EPHA6: variants seen among roughly 807,000 people sequenced by gnomAD.
The protein encoded by EPHA6 is ephrin type-A receptor 6.
In EPHA6, 50 loss-of-function variants were observed where a neutral mutation model predicts 112.0. The ratio of observed to expected loss-of-function variants is 0.45; its 90% CI spans 0.36 to 0.56. The LOEUF (loss-of-function observed/expected upper bound fraction) is 0.56. Among genes scored for constraint, EPHA6 ranks in the 20% least tolerant of loss-of-function variants. The pLI is 0.00. For missense variants in EPHA6, 1,280 were observed against 1,417.4 expected, an observed-to-expected ratio of 0.90 and a Z score of 1.56; for synonymous variants, 529 against 490.7, an observed-to-expected ratio of 1.08 and a Z score of -1.03.
intron 13 of EPHA6, among the ~76,000 whole-genome samples, chr3:97,629,929 A>G (rs1440243183): frequency 2.0e-5 from 3 of 152,068 alleles, no homozygotes; most frequent in African/African-American, 7.2e-5. Flanking sequence ...CTTTGTATAA[A>G]TATAGTACAC....
chr3:97,613,063 T>C (rs1463540381), intron 13 of EPHA6, among the ~76,000 whole-genome samples: 1 of 151,672 alleles, frequency 6.6e-6, no homozygotes, highest in East Asian at 1.9e-4. Context: ...ATTATTATAA[T>C]GCAAAAAAAA....
intron 8 of EPHA6, among the ~76,000 whole-genome samples, chr3:97,475,731 C>G (rs2091350156): frequency 6.6e-6 from 1 of 151,866 alleles, no homozygotes; most frequent in South Asian, 2.1e-4. Flanking sequence ...TTACTATAAT[C>G]AAATTACATC....
intron 11 of EPHA6, among the ~76,000 whole-genome samples, chr3:97,547,853 G>A (rs2092976003): frequency 6.6e-6 from 1 of 152,180 alleles, no homozygotes; most frequent in Non-Finnish European, 1.5e-5. Context: ...TGTGGGCGTA[G>A]GACCCTCCAA....
At chr3:97,397,407 AAAG>A (rs1185513204) in intron 5 of EPHA6, among the ~76,000 whole-genome samples, 1 of 151,678 alleles carries the variant, frequency 6.6e-6, no homozygotes, top group Middle Eastern at 3.2e-3. Context: ...GATTATTAAG[AAAG>A]AAATCATTAA....
At chr3:96,921,202 A>G (rs1371013787) in intron 2 of EPHA6, among the ~76,000 whole-genome samples, 3 of 152,156 alleles carry the variant, frequency 2.0e-5, no homozygotes, top group Admixed American at 2.0e-4. Context: ...TAGGCAGTAT[A>G]GTGTAACTTT....
At chr3:96,934,814 G>A (rs775904855) in intron 2 of EPHA6, among the ~76,000 whole-genome samples, 15 of 150,422 alleles carry the variant, frequency 1.0e-4, no homozygotes, top group South Asian at 6.3e-4. Context: ...TTTCCTGAAG[G>A]ACAATCAATC....
At chr3:97,051,509 T>C (rs1402967765) in intron 3 of EPHA6, among the ~76,000 whole-genome samples, 1 of 152,164 alleles carries the variant, frequency 6.6e-6, no homozygotes, top group Non-Finnish European at 1.5e-5. Context: ...CTCATAGTCA[T>C]GTCACCTACA....
chr3:97,310,187 T>C (rs533799765), intron 5 of EPHA6, among the ~76,000 whole-genome samples: 1 of 151,488 alleles, frequency 6.6e-6, no homozygotes, highest in Non-Finnish European at 1.5e-5. Context: ...TGGTTAGAAG[T>C]GTTTGTATTG....
At chr3:97,431,556 G>C (rs75573372) in intron 6 of EPHA6, among the ~76,000 whole-genome samples, 2 of 151,980 alleles carry the variant, frequency 1.3e-5, no homozygotes, top group Non-Finnish European at 2.9e-5. Flanking sequence ...CCCTTGATTC[G>C]TGTGATTTTT....
At chr3:97,096,912 T>C (rs768982499) in intron 3 of EPHA6, among the ~76,000 whole-genome samples, 3 of 151,924 alleles carry the variant, frequency 2.0e-5, no homozygotes, top group Non-Finnish European at 1.5e-5. Flanking sequence ...AAATTATAAG[T>C]AACTCAGTGT....
At chr3:96,979,106 C>T (rs944752322) in intron 2 of EPHA6, among the ~76,000 whole-genome samples, 9 of 151,870 alleles carry the variant, frequency 5.9e-5, no homozygotes, top group African/African-American at 1.5e-4. Context: ...ATGTGCACAA[C>T]GTGCAGGTTT....
At chr3:97,424,554 A>G (rs972923797) in intron 6 of EPHA6, among the ~76,000 whole-genome samples, 3 of 152,164 alleles carry the variant, frequency 2.0e-5, no homozygotes, top group Non-Finnish European at 4.4e-5. Flanking sequence ...CTGTAATCCC[A>G]GCATTTTGGA....
At chr3:96,836,533 T>A (rs1296835378) in intron 1 of EPHA6, among the ~76,000 whole-genome samples, 1 of 152,182 alleles carries the variant, frequency 6.6e-6, no homozygotes, top group Non-Finnish European at 1.5e-5. Context: ...ACATACTGTT[T>A]TACAGCAATG....
At chr3:97,301,294 G>A (rs1401161730) in intron 5 of EPHA6, among the ~76,000 whole-genome samples, 1 of 152,046 alleles carries the variant, frequency 6.6e-6, no homozygotes, top group Non-Finnish European at 1.5e-5. Flanking sequence ...TTGTCTTCTA[G>A]AATTTACTGA....
chr3:97,483,701 C>G lies in EPHA6; in HGVS notation c.2075-233C>G, dbSNP rs545135098. On this transcript the variant is annotated intron_variant, in intron 9 of 17. Coordinates refer to ENST00000389672, the MANE Select transcript of EPHA6 (RefSeq NM_001080448.3). ...AATATGAGACATGTGTTTTCTGGAACCTGTCAGCTCACTTTCTAGAAATCC... is the reference window on the plus strand; with the variant it reads ...AATATGAGACATGTGTTTTCTGGAAGCTGTCAGCTCACTTTCTAGAAATCC... 1.8e-4 allele frequency among the ~76,000 whole-genome samples: 27 copies of G among 152,220 alleles called. No homozygotes were observed. The South Asian group carries it at 5.2e-3, about 29-fold the overall frequency.
intron 12 of EPHA6, among the ~76,000 whole-genome samples, chr3:97,607,279 C>A (rs1341616664): frequency 2.0e-5 from 3 of 149,352 alleles, no homozygotes; most frequent in African/African-American, 7.4e-5. Context: ...TTTTCTTTAA[C>A]AACAGCATGA....
chr3:97,275,736 CG>C (rs1425244517), intron 5 of EPHA6, among the ~76,000 whole-genome samples: 1 of 151,556 alleles, frequency 6.6e-6, no homozygotes, highest in African/African-American at 2.4e-5. Flanking sequence ...TGGCATTGAA[CG>C]GGGTAAGGGT....
intron 3 of EPHA6, among the ~76,000 whole-genome samples, chr3:97,172,290 A>G (rs992301441): frequency 6.6e-6 from 1 of 152,044 alleles, no homozygotes; most frequent in Middle Eastern, 3.2e-3. Context: ...TTTATATCTT[A>G]TGTTGAGTTT....
At chr3:96,994,783 T>C (rs1344848170) in intron 3 of EPHA6, among the ~76,000 whole-genome samples, 2 of 114,462 alleles carry the variant, frequency 1.7e-5, no homozygotes, top group Non-Finnish European at 3.7e-5. Flanking sequence ...ACCTACAGGC[T>C]GAGAATATGT....
Sources: allele counts gnomAD v4.1 joint callset (sites outside exome capture counted in the v4.1 genomes callset), GRCh38; gene constraint gnomAD v4.1.1; transcripts MANE v1.5; gene names NCBI Gene and HGNC (gene_info 2026-07-23, HGNC 2026-07-21).